HS6ST2: variants seen among roughly 807,000 people sequenced by gnomAD.
HS6ST2 encodes the protein heparan-sulfate 6-O-sulfotransferase 2.
In HS6ST2, 17 loss-of-function variants were observed where a neutral mutation model predicts 33.0. That is an observed-to-expected ratio of 0.52 (90% CI 0.35 to 0.77). The LOEUF (loss-of-function observed/expected upper bound fraction) is 0.77. HS6ST2 is among the 30% of genes least tolerant of loss of function. The pLI, the probability that HS6ST2 is intolerant of heterozygous loss-of-function variation, is 0.01. For missense variants in HS6ST2, 519 were observed against 551.7 expected (o/e 0.94, Z 0.59); for synonymous variants, 248 against 237.1 (o/e 1.05, Z -0.42).
intron 4 of HS6ST2, among the ~76,000 whole-genome samples, chrX:132,651,999 A>G (rs1321979503): frequency 2.7e-5 from 3 of 112,024 alleles, no homozygotes; most frequent in African/African-American, 3.2e-5. Flanking sequence ...AGGCACCCAC[A>G]GTGCTCACCT....
At chrX:132,915,146 T>C in intron 2 of HS6ST2, among the ~76,000 whole-genome samples, 1 of 111,966 alleles carries the variant, frequency 8.9e-6, no homozygotes. Context: ...GCACTCTCAC[T>C]AGCAGTGCAG....
At chrX:132,747,000 T>C (rs2064651653) in intron 2 of HS6ST2, among the ~76,000 whole-genome samples, 1 of 112,255 alleles carries the variant, frequency 8.9e-6, no homozygotes, top group South Asian at 3.7e-4. Context: ...CTCGGTCATT[T>C]AAAAAACACT....
chrX:132,755,229 C>A (rs754816080), intron 2 of HS6ST2, among the ~76,000 whole-genome samples: 1 of 112,160 alleles, frequency 8.9e-6, no homozygotes, highest in African/African-American at 3.2e-5. Context: ...TCCAATAATA[C>A]TAGTATATTT....
At chrX:132,688,024 C>A (rs987801010) in intron 3 of HS6ST2, among the ~76,000 whole-genome samples, 3 of 112,692 alleles carry the variant, frequency 2.7e-5, no homozygotes, top group Non-Finnish European at 5.6e-5. Context: ...ACTGGGATTA[C>A]AGGCGTGAGC....
chrX:132,814,888 C>G (rs1569493850), intron 2 of HS6ST2, among the ~76,000 whole-genome samples: 1 of 112,288 alleles, frequency 8.9e-6, no homozygotes, highest in East Asian at 2.8e-4. Context: ...GTCTTCTTCT[C>G]TCGCCCTCTT....
At chrX:132,783,892 G>A (rs1026688068) in intron 2 of HS6ST2, among the ~76,000 whole-genome samples, 3 of 111,651 alleles carry the variant, frequency 2.7e-5, no homozygotes, top group Non-Finnish European at 5.6e-5. Context: ...ATAAAGTAAT[G>A]AAGGCAAGCA....
chrX:132,829,209 T>C (rs2065563036), intron 2 of HS6ST2, among the ~76,000 whole-genome samples: 3 of 100,901 alleles, frequency 3.0e-5, no homozygotes, highest in Non-Finnish European at 4.0e-5. Flanking sequence ...TACATACTTA[T>C]ATTTATATTT....
chrX:132,709,717 A>T (rs1268821538), intron 2 of HS6ST2, among the ~76,000 whole-genome samples: 1 of 109,562 alleles, frequency 9.1e-6, no homozygotes, highest in African/African-American at 3.3e-5. Context: ...CTACCCCATG[A>T]TTTAGAGTCC....
chrX:132,784,572 C>A (rs756469745), intron 2 of HS6ST2, among the ~76,000 whole-genome samples: 4 of 111,808 alleles, frequency 3.6e-5, no homozygotes, highest in Non-Finnish European at 7.5e-5. Context: ...GGCCTCCAAA[C>A]GTGCTGGGAT....
chrX:132,810,992 G>C (rs761605384), intron 2 of HS6ST2, among the ~76,000 whole-genome samples: 9 of 112,330 alleles, frequency 8.0e-5, no homozygotes, highest in Non-Finnish European at 1.7e-4. Context: ...GGGGTGGCTT[G>C]TTATATAGCA....
intron 2 of HS6ST2, among the ~76,000 whole-genome samples, chrX:132,809,457 T>C (rs968830498): frequency 1.6e-4 from 18 of 112,123 alleles, no homozygotes; most frequent in Admixed American, 2.8e-4. Flanking sequence ...ACTGACAATG[T>C]GGTTGGCACT....
At chrX:132,811,393 A>T (rs781248920) in intron 2 of HS6ST2, among the ~76,000 whole-genome samples, 1 of 109,030 alleles carries the variant, frequency 9.2e-6, no homozygotes, top group East Asian at 2.9e-4. Context: ...GTTCAGTGGC[A>T]TTAAGTACAT....
chrX:132,915,894 A>AT (rs66864799), intron 2 of HS6ST2, among the ~76,000 whole-genome samples: 218 of 100,042 alleles, frequency 2.2e-3, no homozygotes, highest in East Asian at 0.015. Flanking sequence ...ACGCCCGGCT[A>AT]TTTTTTTTTT....
At chrX:132,941,325 A>T (rs2066884756) in intron 2 of HS6ST2, among the ~76,000 whole-genome samples, 1 of 111,577 alleles carries the variant, frequency 9.0e-6, no homozygotes, top group Non-Finnish European at 1.9e-5. Context: ...GCTGATCCAC[A>T]TACCTTTAGC....
chrX:132,835,735 G>A (rs186284270), intron 2 of HS6ST2, among the ~76,000 whole-genome samples: 2 of 111,855 alleles, frequency 1.8e-5, no homozygotes, highest in African/African-American at 6.5e-5. Flanking sequence ...GGCCAACATG[G>A]CGAAACCCCG....
chrX:132,702,733 T>C lies in HS6ST2; in HGVS notation c.980+5729A>G, dbSNP rs532155411. Among the ~76,000 whole-genome samples, 32 of 111,805 alleles carry C rather than the reference T, an allele frequency of 2.9e-4. 1 individual carries two copies. The South Asian group carries it at 0.011, about 40-fold the overall frequency. ...CTGTCCAATGTGTTTGATTTCTTCA[T>C]GGCACTTACCACTCCCTATGATAAT... On this transcript the variant is annotated intron_variant, in intron 3 of 4. Coordinates refer to ENST00000370833, the MANE Select transcript of HS6ST2 (RefSeq NM_001394073.1).
chrX:132,792,716 G>T (rs1474856542), intron 2 of HS6ST2, among the ~76,000 whole-genome samples: 2 of 111,316 alleles, frequency 1.8e-5, no homozygotes, highest in Non-Finnish European at 3.8e-5. Flanking sequence ...CTATGGATTT[G>T]CTTATTCTAA....
intron 2 of HS6ST2, among the ~76,000 whole-genome samples, chrX:132,926,344 T>C (rs1296539221): frequency 1.8e-5 from 2 of 112,272 alleles, no homozygotes; most frequent in Non-Finnish European, 3.8e-5. Context: ...ATGCCAGTCT[T>C]CAGAGGCATT....
Position 132,822,798 on chromosome X carries a change from G to T in HS6ST2, c.948-114304C>A, listed in dbSNP as rs760925384. Among the ~76,000 whole-genome samples, 5 of 112,154 alleles carry T rather than the reference G, an allele frequency of 4.5e-5. No individual in the cohort carries two copies. In the South Asian group the frequency reaches 1.9e-3, roughly 42 times the overall value. ...AAAATGTTTATCAACCATTCAGGGA[G>T]GTTGTTTCAGTCAGAGGCCTGTTGT... On this transcript the variant is annotated intron_variant, in intron 2 of 4. Coordinates refer to ENST00000370833, the MANE Select transcript of HS6ST2 (RefSeq NM_001394073.1).
Sources: allele counts gnomAD v4.1 joint callset (sites outside exome capture counted in the v4.1 genomes callset), GRCh38; gene constraint gnomAD v4.1.1; transcripts MANE v1.5; gene names NCBI Gene and HGNC (gene_info 2026-07-23, HGNC 2026-07-21).